LMX1A: variants seen among roughly 807,000 people sequenced by gnomAD.
LMX1A encodes LIM homeobox transcription factor 1-alpha.
LMX1A carries 15 observed loss-of-function variants against 49.1 expected under a neutral mutation model. The ratio of observed to expected loss-of-function variants is 0.31; its 90% CI spans 0.20 to 0.47. The LOEUF (loss-of-function observed/expected upper bound fraction) is 0.47. Ranked by LOEUF, LMX1A falls within the 20% of genes least tolerant of loss-of-function variation. LMX1A has a pLI of 1.00. For synonymous variants in LMX1A, 167 were observed against 185.7 expected, an observed-to-expected ratio of 0.90 and a Z score of 0.82; for missense variants, 372 against 475.8, an observed-to-expected ratio of 0.78 and a Z score of 2.03.
intron 3 of LMX1A, among the ~76,000 whole-genome samples, chr1:165,264,513 C>A (rs886608690): frequency 7.9e-5 from 12 of 152,062 alleles, no homozygotes; most frequent in South Asian, 2.1e-4. Context: ...TATAACAGCC[C>A]CTCCCAACCA....
At chr1:165,342,051 A>C (rs1656093580) in intron 3 of LMX1A, among the ~76,000 whole-genome samples, 1 of 152,240 alleles carries the variant, frequency 6.6e-6, no homozygotes. Context: ...CATCTCTCCA[A>C]AATGGACTAG....
chr1:165,317,755 T>G (rs1389087728), intron 3 of LMX1A, among the ~76,000 whole-genome samples: 1 of 152,238 alleles, frequency 6.6e-6, no homozygotes, highest in Non-Finnish European at 1.5e-5. Context: ...GTAAATTTCT[T>G]GAGAGCTCTC....
chr1:165,282,892 C>T (rs1417320888), intron 3 of LMX1A, among the ~76,000 whole-genome samples: 2 of 152,214 alleles, frequency 1.3e-5, no homozygotes, highest in Non-Finnish European at 2.9e-5. Context: ...AATCATCAGT[C>T]CTCAGTGTAA....
intron 3 of LMX1A, among the ~76,000 whole-genome samples, chr1:165,259,963 C>A (rs551638155): frequency 6.6e-6 from 1 of 152,128 alleles, no homozygotes; most frequent in African/African-American, 2.4e-5. Context: ...AGCCCTAGAG[C>A]AAAAGACTGT....
chr1:165,310,675 T>C (rs994014815), intron 3 of LMX1A, among the ~76,000 whole-genome samples: 22 of 152,210 alleles, frequency 1.4e-4, no homozygotes, highest in African/African-American at 5.3e-4. Flanking sequence ...CACTCCTTTA[T>C]TTTGGGCATC....
chr1:165,355,649 C>T lies in LMX1A; in HGVS notation c.-22-68G>A. The T allele has an allele frequency of 1.6e-6, 2 of 1,215,758 alleles. No homozygotes were observed. Among genetic ancestry groups the T allele is most frequent in the East Asian group, 2.5e-5 (1 of 40,512 alleles). The allele number at this position is 1,215,758 out of a possible 1,614,324, so 75.3% of individuals were successfully genotyped here. A position where few individuals can be genotyped will look rare whatever the true frequency, so the allele number is the denominator to read the frequency against. On this transcript the variant is annotated intron_variant, in intron 1 of 8. Coordinates refer to ENST00000342310, the MANE Select transcript of LMX1A (RefSeq NM_177398.4). This position sits in a 1 kb window ranked among gnomAD's most constrained non-coding sequence, Gnocchi z 4.7. ...TGGGACTCGGCGCCAGCAGCCACCG[C>T]ACTCCTGGGAAAGAACTGAGGGAGT... is the stretch of plus-strand genomic sequence containing the variant.
At chr1:165,293,799 T>C (rs765415740) in intron 3 of LMX1A, among the ~76,000 whole-genome samples, 8 of 152,156 alleles carry the variant, frequency 5.3e-5, no homozygotes, top group Admixed American at 1.3e-4. Context: ...GCCCCTTTTA[T>C]AAGGGCTCTA....
At chr1:165,315,638 C>T (rs747807155) in intron 3 of LMX1A, among the ~76,000 whole-genome samples, 3 of 152,192 alleles carry the variant, frequency 2.0e-5, no homozygotes, top group Non-Finnish European at 4.4e-5. Flanking sequence ...GGCTGAAGTA[C>T]AACACAGCAT....
At chr1:165,266,758 C>T (rs1359354599) in intron 3 of LMX1A, among the ~76,000 whole-genome samples, 6 of 151,986 alleles carry the variant, frequency 3.9e-5, no homozygotes, top group East Asian at 3.9e-4. Flanking sequence ...CCCGCCACCA[C>T]GCCCAGCTAA....
chr1:165,295,255 G>C (rs6686607), intron 3 of LMX1A, among the ~76,000 whole-genome samples: 2 of 150,400 alleles, frequency 1.3e-5, no homozygotes, highest in Non-Finnish European at 3.0e-5. Flanking sequence ...AAAATATATA[G>C]GCAGAAAAAA....
At chr1:165,340,314 C>T (rs1324777422) in intron 3 of LMX1A, among the ~76,000 whole-genome samples, 1 of 152,080 alleles carries the variant, frequency 6.6e-6, no homozygotes, top group Non-Finnish European at 1.5e-5. Flanking sequence ...CACTGCTGGT[C>T]TCAAACTCCT....
chr1:165,275,595 C>G (rs1653940623), intron 3 of LMX1A, among the ~76,000 whole-genome samples: 1 of 152,190 alleles, frequency 6.6e-6, no homozygotes, highest in Admixed American at 6.5e-5. Flanking sequence ...ATATCCAGTT[C>G]CTTGGCAAAG....
rs541828467 is a variant in LMX1A, at chr1:165,278,444, A to G, written c.264-28804T>C. Among the ~76,000 whole-genome samples the G allele has an allele frequency of 3.9e-5, 6 of 152,226 alleles. No individual in the cohort carries two copies. In the East Asian group the frequency reaches 9.7e-4, roughly 24 times the overall value. On this transcript the variant is annotated intron_variant, in intron 3 of 8. Coordinates refer to ENST00000342310, the MANE Select transcript of LMX1A (RefSeq NM_177398.4). ...CAGCTTTCCTCTTTCTTTTGGAGTA[A>G]CCTCTTTCTCACATTCTCTTACTAC... is the stretch of plus-strand genomic sequence containing the variant.
At position 165,227,790 on chromosome 1, in the gene LMX1A, G is replaced by T. The variant is rs116028821; in HGVS notation, c.497-13977C>A. Among the ~76,000 whole-genome samples, 924 of 152,130 alleles carry T rather than the reference G, an allele frequency of 6.1e-3. 6 individuals are homozygous for T. Among genetic ancestry groups the T allele is most frequent in the African/African-American group, 0.02 (834 of 41,484 alleles). On this transcript the variant is annotated intron_variant, in intron 4 of 8. Transcript: ENST00000342310. ...AATATTATATACCCTATGCAAAAGG[G>T]TCTTATTAATATGAGCAAATACCAA...
At chr1:165,284,466 C>A (rs1654245330) in intron 3 of LMX1A, among the ~76,000 whole-genome samples, 1 of 152,214 alleles carries the variant, frequency 6.6e-6, no homozygotes, top group African/African-American at 2.4e-5. Flanking sequence ...AACGCTCATT[C>A]TGGGAGTCAA....
At chr1:165,271,370 T>A (rs1653788824) in intron 3 of LMX1A, among the ~76,000 whole-genome samples, 1 of 152,220 alleles carries the variant, frequency 6.6e-6, no homozygotes, top group Non-Finnish European at 1.5e-5. Context: ...ATGACATTAT[T>A]GAACTGCCAA....
intron 3 of LMX1A, among the ~76,000 whole-genome samples, chr1:165,292,564 G>A (rs1654504850): frequency 2.0e-5 from 3 of 152,218 alleles, no homozygotes; most frequent in Admixed American, 2.0e-4. Flanking sequence ...GCATCAATCT[G>A]TGCACCTATC....
chr1:165,332,272 C>A (rs961556848), intron 3 of LMX1A, among the ~76,000 whole-genome samples: 1 of 151,996 alleles, frequency 6.6e-6, no homozygotes. Flanking sequence ...AAATGGTAGA[C>A]CTGGCTCTGA....
chr1:165,281,653 A>G (rs146586868), intron 3 of LMX1A, among the ~76,000 whole-genome samples: 1 of 152,266 alleles, frequency 6.6e-6, no homozygotes, highest in African/African-American at 2.4e-5. Context: ...CAGGAGATCA[A>G]TGTGTGCATT....
Sources: gnomAD v4.1 joint callset for allele counts (sites outside exome capture counted in the v4.1 genomes callset) on GRCh38, gnomAD v4.1.1 for gene constraint, Gnocchi (gnomAD v3.1) non-coding constraint, MANE v1.5 for transcripts, NCBI Gene and HGNC (gene_info 2026-07-23, HGNC 2026-07-21) for gene names.